The following DLGAP2 variants were observed in gnomAD, a reference collection of about 807,000 sequenced individuals.
DLGAP2 encodes the protein disks large-associated protein 2.
Under a neutral mutation model 100.3 loss-of-function variants are expected in DLGAP2, and 26 were observed. The observed-to-expected ratio is 0.26, with a 90% CI of 0.19 to 0.36. The LOEUF (loss-of-function observed/expected upper bound fraction) is 0.36. Among genes scored for constraint, DLGAP2 ranks in the 10% least tolerant of loss-of-function variants. The pLI, the probability that DLGAP2 is intolerant of heterozygous loss-of-function variation, is 1.00. For synonymous variants in DLGAP2, 886 were observed against 630.1 expected, an observed-to-expected ratio of 1.41 and a Z score of -6.08; for missense variants, 1,858 against 1,453.2, an observed-to-expected ratio of 1.28 and a Z score of -4.53.
intron 3 of DLGAP2, among the ~76,000 whole-genome samples, chr8:1,280,251 C>T (rs1799789752): frequency 1.3e-5 from 2 of 152,166 alleles, no homozygotes. Context: ...AGTCCTGCTA[C>T]TGAGGCTTTG....
intron 2 of DLGAP2, among the ~76,000 whole-genome samples, chr8:1,169,557 C>T (rs7833190): frequency 0.19 from 28,272 of 152,074 alleles, 2,804 homozygotes; most frequent in Middle Eastern, 0.34. Flanking sequence ...TTTAATTTCA[C>T]TGAGCAGTGG....
At chr8:1,072,031 C>T (rs936040063) in intron 2 of DLGAP2, among the ~76,000 whole-genome samples, 4 of 152,204 alleles carry the variant, frequency 2.6e-5, no homozygotes, top group Non-Finnish European at 5.9e-5. Flanking sequence ...GCAGAAATGG[C>T]TGCAGACACC....
chr8:898,629 G>T (rs1346603440), intron 1 of DLGAP2, among the ~76,000 whole-genome samples: 1 of 151,034 alleles, frequency 6.6e-6, no homozygotes, highest in Non-Finnish European at 1.5e-5. Flanking sequence ...CGTGCTTCCA[G>T]CCCCTGCAGC....
chr8:1,336,424 G>A (rs1288315909), intron 3 of DLGAP2, among the ~76,000 whole-genome samples: 1 of 152,172 alleles, frequency 6.6e-6, no homozygotes, highest in Non-Finnish European at 1.5e-5. Flanking sequence ...AGGCTGTCAA[G>A]AACCGGCCGG....
At chr8:1,616,819 C>T (rs1359778187) in intron 6 of DLGAP2, among the ~76,000 whole-genome samples, 2 of 151,876 alleles carry the variant, frequency 1.3e-5, no homozygotes, top group Non-Finnish European at 2.9e-5. Context: ...GTTTGGTGTA[C>T]AGATTATTTC....
chr8:847,463 A>G (rs1389920050), intron 1 of DLGAP2, among the ~76,000 whole-genome samples: 1 of 152,010 alleles, frequency 6.6e-6, no homozygotes, highest in Non-Finnish European at 1.5e-5. Context: ...GAATTTTAAA[A>G]TGATCTTTTT....
intron 3 of DLGAP2, among the ~76,000 whole-genome samples, chr8:1,376,210 AAG>A (rs1342639283): frequency 6.6e-6 from 1 of 152,240 alleles, no homozygotes; most frequent in African/African-American, 2.4e-5. Context: ...TAAACTCAGA[AAG>A]AGTCCTTGAA....
intron 2 of DLGAP2, among the ~76,000 whole-genome samples, chr8:986,893 C>G (rs1800503690): frequency 6.6e-6 from 1 of 152,094 alleles, no homozygotes; most frequent in African/African-American, 2.4e-5. Flanking sequence ...CTCCTGACCT[C>G]CAGTGATCCA....
chr8:1,437,139 A>G (rs1376687031), intron 3 of DLGAP2, among the ~76,000 whole-genome samples: 1 of 149,082 alleles, frequency 6.7e-6, no homozygotes, highest in Non-Finnish European at 1.5e-5. Context: ...GGGTGACGCC[A>G]TCCGGGTCTG....
intron 2 of DLGAP2, among the ~76,000 whole-genome samples, chr8:1,117,507 G>C (rs561438071): frequency 1.3e-5 from 2 of 151,200 alleles, no homozygotes; most frequent in South Asian, 4.3e-4. Context: ...CGCTGTGTAG[G>C]ACAAGCCTGA....
At chr8:849,473 G>A (rs1797140276) in intron 1 of DLGAP2, among the ~76,000 whole-genome samples, 1 of 152,222 alleles carries the variant, frequency 6.6e-6, no homozygotes, top group African/African-American at 2.4e-5. Flanking sequence ...CGATGCCTGG[G>A]ATGGGAGTGG....
At position 1,030,843 on chromosome 8, in the gene DLGAP2, C is replaced by T. The variant is rs182584512; in HGVS notation, c.73+122877C>T. 3.1e-3 allele frequency among the ~76,000 whole-genome samples: 467 copies of T among 152,280 alleles called. 13 individuals carry two copies. The highest frequency in any genetic ancestry group is 0.029 in the Admixed American group (445 of 15,288). ...CCAGCGGGGCCGCGGGCGGGACCTT[C>T]CCTCTCCTGGAGGAAAGAGACAAAA... On this transcript the variant is annotated intron_variant, in intron 2 of 14. Coordinates refer to ENST00000637795, the MANE Select transcript of DLGAP2 (RefSeq NM_001346810.2).
chr8:771,195 T>C (rs1402845602), intron 1 of DLGAP2, among the ~76,000 whole-genome samples: 2 of 152,344 alleles, frequency 1.3e-5, no homozygotes, highest in Non-Finnish European at 2.9e-5. Flanking sequence ...TAATCATGCA[T>C]ATTGCTACTT....
intron 7 of DLGAP2, 47 bp from the exon 8 acceptor site, chr8:1,632,780 G>A: frequency 6.5e-7 from 1 of 1,537,366 alleles, no homozygotes; most frequent in East Asian, 2.3e-5. Flanking sequence ...TAACGTGATG[G>A]TGACCCTGGA....
chr8:1,379,574 A>G (rs1796043744), intron 3 of DLGAP2: 1 of 152,202 alleles, frequency 6.6e-6, no homozygotes, highest in Non-Finnish European at 1.5e-5. Flanking sequence ...TAAGAACCGT[A>G]ACCGCTGTCA....
At chr8:1,256,587 TC>T (rs1799226061) in intron 2 of DLGAP2, among the ~76,000 whole-genome samples, 2 of 151,776 alleles carry the variant, frequency 1.3e-5, no homozygotes, top group South Asian at 4.2e-4. Flanking sequence ...GCGTGTGTAC[TC>T]TCCTGCCCGG....
In DLGAP2 at chr8:1,552,906, C is replaced by A. The variant is rs78872919; in HGVS notation, c.1230+3223C>A. 2.0e-5 allele frequency among the ~76,000 whole-genome samples: 3 copies of A among 152,318 alleles called. No individual in the cohort carries two copies. In the East Asian group the frequency reaches 5.8e-4, roughly 29 times the overall value. On this transcript the variant is annotated intron_variant, in intron 5 of 14. Transcript: ENST00000637795. ...ATTCAGGCCTCACGTTATTCTTTCACAAAGCTCTTGTTTTCATCTTTTCTG... is the reference window on the plus strand; with the variant it reads ...ATTCAGGCCTCACGTTATTCTTTCAAAAAGCTCTTGTTTTCATCTTTTCTG...
chr8:1,448,239 C>T (rs1190880867), intron 3 of DLGAP2, among the ~76,000 whole-genome samples: 3 of 151,928 alleles, frequency 2.0e-5, no homozygotes, highest in African/African-American at 7.3e-5. Flanking sequence ...GGTAAATTTC[C>T]CTCTACACAC....
chr8:1,575,937 T>C (rs1045708427), intron 6 of DLGAP2, among the ~76,000 whole-genome samples: 8 of 152,204 alleles, frequency 5.3e-5, no homozygotes, highest in Non-Finnish European at 2.9e-5. Context: ...TACATGTGCA[T>C]GTGCCTTTAT....
Sources: allele counts gnomAD v4.1 joint callset (sites outside exome capture counted in the v4.1 genomes callset), GRCh38; gene constraint gnomAD v4.1.1; transcripts MANE v1.5; gene names NCBI Gene and HGNC (gene_info 2026-07-23, HGNC 2026-07-21).